Variants in TBL2 observed in about 807,000 individuals in gnomAD.
The protein encoded by TBL2 is transducin beta like 2.
A neutral mutation model predicts 41.8 loss-of-function variants in TBL2; 33 were observed. The observed-to-expected ratio is 0.79, with a 90% CI of 0.60 to 1.06. The LOEUF is 1.06. Ranked by LOEUF, TBL2 falls within the 50% of genes least tolerant of loss-of-function variation. The pLI is 0.00. For synonymous variants in TBL2, 239 were observed against 241.7 expected (o/e 0.99, Z 0.10); for missense variants, 522 against 603.8 (o/e 0.86, Z 1.42).
In TBL2 at chr7:73,570,587, CGTT is replaced by C. The variant is rs202195176; in HGVS notation, c.1261_1263del (p.Asn421del). On this transcript the variant is annotated inframe_deletion, in exon 7 of 7. Transcript: ENST00000305632. ...TGCTGCAGCCTCTGGCGGGTGCTCT[CGTT>C]GGAGGCCCGCTTCAGGTGGCCCTGC... 7.5e-4 allele frequency: 1,206 copies of C among 1,611,268 alleles called. 9 individuals carry two copies. In the East Asian group the frequency reaches 0.022, roughly 30 times the overall value.
At chr7:73,577,688 G>A (rs184090102) in intron 1 of TBL2, among the ~76,000 whole-genome samples, 3 of 152,342 alleles carry the variant, frequency 2.0e-5, no homozygotes, top group Non-Finnish European at 4.4e-5. Flanking sequence ...CACCCAGGCT[G>A]AAGTACAGTG....
At position 73,573,475 on chromosome 7, in the gene TBL2, G is replaced by C. The variant is rs782631043; in HGVS notation, c.447-4C>G. 2 of 1,613,946 alleles carry C rather than the reference G, an allele frequency of 1.2e-6. No homozygotes were observed. The highest frequency in any genetic ancestry group is 1.1e-5 in the South Asian group (1 of 91,072). ...GGCCAGCCAGACGATGAAGGCTCTA[G>C]AGACAGGCAGCAGACAAGTCACGCT... On this transcript the variant is annotated splice_polypyrimidine_tract_variant and splice_region_variant and intron_variant, in intron 3 of 6. Coordinates refer to ENST00000305632, the MANE Select transcript of TBL2 (RefSeq NM_012453.4).
In TBL2 at chr7:73,568,311, A is replaced by G. The variant is rs540516337; in HGVS notation, c.*2196T>C. 1.2e-4 allele frequency among the ~76,000 whole-genome samples: 19 copies of G among 152,304 alleles called. 1 individual carries two copies. In the East Asian group the frequency reaches 3.7e-3, roughly 29 times the overall value. On this transcript the variant is annotated 3_prime_UTR_variant, in exon 7 of 7. Coordinates refer to ENST00000305632, the MANE Select transcript of TBL2 (RefSeq NM_012453.4). ...TTCAACAGTGAGCCAGAAGCTGCCA[A>G]TAAGAGAGTAGTGGACTGCATCGGG...
chr7:73,571,642 C>T (rs1201710275), intron 5 of TBL2: 1 of 311,906 alleles, frequency 3.2e-6, no homozygotes, highest in Non-Finnish European at 6.3e-6. Context: ...TGTAGTCCCA[C>T]CTACTGGGAA....
rs1204165929 is a variant in TBL2, at chr7:73,578,454, C to T, written c.96G>A (p.Leu32=). 1 of 1,551,562 alleles carries T rather than the reference C, an allele frequency of 6.4e-7. No individual in the cohort carries two copies. The highest frequency in any genetic ancestry group is 8.7e-7 in the Non-Finnish European group (1 of 1,152,184). The change falls in exon 1 of 7, where the codon CTG becomes CTA. Residue 32 remains leucine, a synonymous_variant. Transcript: ENST00000305632. ...MATAAVARGW[L]RAGEERSGRP... is the part of the protein sequence containing the mutation. ...GGCCGCTCCTCTCCTCCCCCGCGCGCAGCCACCCCCGCGCTACCGCCGCCG... is the reference window on the plus strand; with the variant it reads ...GGCCGCTCCTCTCCTCCCCCGCGCGTAGCCACCCCCGCGCTACCGCCGCCG...
At chr7:73,574,290 G>A (rs1475497252) in intron 2 of TBL2, 93 bp downstream of exon 2, 4 of 1,558,892 alleles carry the variant, frequency 2.6e-6, no homozygotes, top group Non-Finnish European at 3.5e-6. Flanking sequence ...CTGATCAGAG[G>A]CAGGAGAGCC....
intron 1 of TBL2, among the ~76,000 whole-genome samples, chr7:73,575,935 G>A (rs1311139164): frequency 4.6e-5 from 7 of 152,102 alleles, no homozygotes; most frequent in Middle Eastern, 3.4e-3. Context: ...CCAGCTATTC[G>A]GAGGCTGAGG....
At position 73,574,397 on chromosome 7, in the gene TBL2, C is replaced by T. The variant is rs2115978697; in HGVS notation, c.247G>A (p.Ala83Thr). ...ACCCCACGTACCTTCAGAGCTGCAG[C>T]CAGGAGGCGGTGGGTGAAGTTGTGT... ...QQHNFTHRLL[A>T]AALKSHSGNI... Residue 83 changes from alanine to threonine, a missense_variant, in exon 2 of 7, where the codon GCT becomes ACT. By Grantham distance (58) the Ala-to-Thr change is moderately conservative. Coordinates refer to ENST00000305632, the MANE Select transcript of TBL2 (RefSeq NM_012453.4). 1 of 1,613,478 alleles carries T rather than the reference C, an allele frequency of 6.2e-7. No individual in the cohort carries two copies. Among genetic ancestry groups the T allele is most frequent in the South Asian group, 1.1e-5 (1 of 91,046 alleles).
Position 73,573,438 on chromosome 7 carries a change from G to C in TBL2, c.480C>G (p.Thr160=). Reference sequence around the variant, plus strand: ...GCTTGGTCATCTTGAAGACACGGAGGGTGTCCCCGTTGGCCAGCCAGACGA... The same window carrying C: ...GCTTGGTCATCTTGAAGACACGGAGCGTGTCCCCGTTGGCCAGCCAGACGA... ...AFIVWLANGD[T]LRVFKMTKRE... The change falls in exon 4 of 7, where the codon ACC becomes ACG. Residue 160 remains threonine, a synonymous_variant. Coordinates refer to ENST00000305632, the MANE Select transcript of TBL2 (RefSeq NM_012453.4). 1 of 1,614,048 alleles carries C rather than the reference G, an allele frequency of 6.2e-7. No individual in the cohort carries two copies. The highest frequency in any genetic ancestry group is 8.5e-7 in the Non-Finnish European group (1 of 1,179,996).
Position 73,567,671 on chromosome 7 carries a change from T to C in TBL2, c.*2836A>G, listed in dbSNP as rs1271107994. On this transcript the variant is annotated 3_prime_UTR_variant, in exon 7 of 7. Transcript: ENST00000305632. ...AAAAAAGAAAAACCTTGGTGGCCTC[T>C]GCTCTATGTTAATATCCAGACACCT... Among the ~76,000 whole-genome samples, 6 of 152,184 alleles carry C rather than the reference T, an allele frequency of 3.9e-5. No individual in the cohort carries two copies. The highest frequency in any genetic ancestry group is 7.3e-5 in the Non-Finnish European group (5 of 68,030).
chr7:73,576,641 T>G (rs928242109), intron 1 of TBL2: 1 of 456,580 alleles, frequency 2.2e-6, no homozygotes, highest in Non-Finnish European at 4.4e-6. Context: ...GTCACAAAGC[T>G]GGCATGTGGT....
In TBL2 at chr7:73,574,265, G is replaced by T. The variant is rs112837205; in HGVS notation, c.261+118C>A. 24 of 1,522,320 alleles carry T rather than the reference G, an allele frequency of 1.6e-5. No homozygotes were observed. In the African/African-American group the frequency reaches 3.0e-4, roughly 19 times the overall value. The allele number at this position is 1,522,320 out of a possible 1,614,324, so 94.3% of individuals were successfully genotyped here. ...CTGCGATGAGAGGGGACAGAATTAAGCACCCCCGCTGATTCTGATCAGAGG... is the reference window on the plus strand; with the variant it reads ...CTGCGATGAGAGGGGACAGAATTAATCACCCCCGCTGATTCTGATCAGAGG... On this transcript the variant is annotated intron_variant, in intron 2 of 6. Transcript: ENST00000305632.
In TBL2 at chr7:73,574,509, T is replaced by C. The variant is rs1554588513; in HGVS notation, c.135A>G (p.Gln45=). The change falls in exon 2 of 7, where the codon CAA becomes CAG. Residue 45 remains glutamine (Q), a synonymous_variant. Coordinates refer to ENST00000305632, the MANE Select transcript of TBL2 (RefSeq NM_012453.4). The stretch of plus-strand genomic sequence containing the variant: ...TGTCAGGTGGAAATCCATTTGCTTT[T>C]TGGCCTATAAGGAAGGGCCATGTTG... ...GEERSGRPAC[Q]KANGFPPDKS... is the part of the protein sequence containing the mutation. 1 of 1,614,234 alleles carries C rather than the reference T, an allele frequency of 6.2e-7. No homozygotes were observed. Among genetic ancestry groups the C allele is most frequent in the Non-Finnish European group, 8.5e-7 (1 of 1,180,046 alleles).
Position 73,574,111 on chromosome 7 carries a change from C to A in TBL2, c.273G>T (p.Gly91=). 1 of 1,614,020 alleles carries A rather than the reference C, an allele frequency of 6.2e-7. No homozygotes were observed. Among genetic ancestry groups the A allele is most frequent in the Non-Finnish European group, 8.5e-7 (1 of 1,179,934 alleles). ...TGCTAAAGTCCATGCAAGATATGTT[C>A]CCGCTGTGGCTCTAGGGGAAGGGTG... ...LLAAALKSHS[G]NISCMDFSSN... is the part of the protein sequence containing the mutation. The change falls in exon 3 of 7, where the codon GGG becomes GGT. Residue 91 remains glycine (G), a synonymous_variant. Transcript: ENST00000305632.
chr7:73,574,589 T>C (rs782102789), intron 1 of TBL2, 76 bp from the exon 2 acceptor site: 12 of 1,602,452 alleles, frequency 7.5e-6, no homozygotes, highest in South Asian at 6.6e-5. Flanking sequence ...GAGCCAGGCA[T>C]TGAGTGGAAC....
Position 73,570,165 on chromosome 7 carries a change from T to C in TBL2, c.*342A>G. On this transcript the variant is annotated 3_prime_UTR_variant, in exon 7 of 7. Transcript: ENST00000305632. ...TTGTTCTGGAACATTTACAAACTTC[T>C]TTGGGTGTGAGGATGTGCTGCCACA... 4.4e-6 allele frequency: 1 copy of C among 225,348 alleles called. No homozygotes were observed. Among genetic ancestry groups the C allele is most frequent in the East Asian group, 1.0e-4 (1 of 9,928 alleles). 14.0% of individuals were successfully genotyped at this position (225,348 alleles called of 1,614,324 possible). A position where few individuals can be genotyped will look rare whatever the true frequency, so the allele number is the denominator to read the frequency against.
rs1227551234 is a variant in TBL2 at position 73,568,277 on chromosome 7, T to C, written c.*2230A>G. Among the ~76,000 whole-genome samples the C allele has an allele frequency of 2.6e-5, 4 of 152,170 alleles. No individual in the cohort carries two copies. In the East Asian group the frequency reaches 7.7e-4, roughly 29 times the overall value. On this transcript the variant is annotated 3_prime_UTR_variant, in exon 7 of 7. Coordinates refer to ENST00000305632, the MANE Select transcript of TBL2 (RefSeq NM_012453.4). Reference sequence around the variant, plus strand: ...GGAGTCTGCCCGGTGGTGCTCTCATTCCAGTGGGTTCAACAGTGAGCCAGA... The same window carrying C: ...GGAGTCTGCCCGGTGGTGCTCTCATCCCAGTGGGTTCAACAGTGAGCCAGA...
In TBL2 at chr7:73,578,575, C is replaced by A. The variant is rs1268969519; in HGVS notation, c.-26G>T. The A allele has an allele frequency of 1.3e-6, 2 of 1,561,254 alleles. No homozygotes were observed. Among genetic ancestry groups the A allele is most frequent in the South Asian group, 1.1e-5 (1 of 87,034 alleles). On this transcript the variant is annotated 5_prime_UTR_variant, in exon 1 of 7. Transcript: ENST00000305632. ...GTTGGTGGAACCACTGCCACCTCAG[C>A]TAGTGAGTACGCGGGCGCCCGCACG...
chr7:73,574,566 G>A, intron 1 of TBL2, 53 bp from the exon 2 acceptor site: 1 of 1,612,548 alleles, frequency 6.2e-7, no homozygotes, highest in Non-Finnish European at 8.5e-7. Context: ...AGCATTTACT[G>A]CCCACCTATG....
Sources: gnomAD v4.1 joint callset for allele counts (sites outside exome capture counted in the v4.1 genomes callset) on GRCh38, gnomAD v4.1.1 for gene constraint, MANE v1.5 for transcripts, NCBI Gene and HGNC (gene_info 2026-07-23, HGNC 2026-07-21) for gene names.